The following KLHL3 variants were observed in gnomAD, a reference collection of about 807,000 sequenced individuals.
KLHL3 encodes kelch-like protein 3.
Under a neutral mutation model 70.5 loss-of-function variants are expected in KLHL3, and 19 were observed. The ratio of observed to expected loss-of-function variants is 0.27; its 90% CI spans 0.19 to 0.40. KLHL3 has a LOEUF of 0.40. KLHL3 is among the 10% of genes least tolerant of loss of function. KLHL3 has a pLI of 1.00. For synonymous variants in KLHL3, 258 were observed against 290.3 expected, an observed-to-expected ratio of 0.89 and a Z score of 1.13; for missense variants, 512 against 771.1, an observed-to-expected ratio of 0.66 and a Z score of 3.98.
At chr5:137,723,821 T>C (rs1753043137) in intron 1 of KLHL3, among the ~76,000 whole-genome samples, 2 of 152,250 alleles carry the variant, frequency 1.3e-5, no homozygotes, top group Admixed American at 1.3e-4. Flanking sequence ...ATGTTTCTAA[T>C]GTTCCCCCAT....
chr5:137,638,559 C>T (rs1411737983), intron 10 of KLHL3, among the ~76,000 whole-genome samples: 3 of 152,186 alleles, frequency 2.0e-5, no homozygotes, highest in Non-Finnish European at 4.4e-5. Flanking sequence ...GCCTGGCCCA[C>T]TGCATGACCT....
chr5:137,656,889 A>G (rs1751357669), intron 8 of KLHL3, among the ~76,000 whole-genome samples: 1 of 152,262 alleles, frequency 6.6e-6, no homozygotes, highest in South Asian at 2.1e-4. Context: ...ACCTTGGGCA[A>G]GTAAATTAAC....
At chr5:137,664,790 C>G (rs1039507943) in intron 6 of KLHL3, among the ~76,000 whole-genome samples, 1 of 151,998 alleles carries the variant, frequency 6.6e-6, no homozygotes, top group South Asian at 2.1e-4. Context: ...TGCACTCCAG[C>G]CCGGGCAACA....
intron 8 of KLHL3, among the ~76,000 whole-genome samples, chr5:137,644,291 A>G (rs1750988867): frequency 6.6e-6 from 1 of 152,128 alleles, no homozygotes; most frequent in South Asian, 2.1e-4. Flanking sequence ...TCTGGTCTTG[A>G]ACTCCTGACC....
intron 1 of KLHL3, chr5:137,720,933 A>C (rs1182576900): frequency 9.6e-7 from 1 of 1,037,200 alleles, no homozygotes; most frequent in Non-Finnish European, 1.2e-6. Flanking sequence ...CATTTACTGG[A>C]GGCTACTATG....
intron 3 of KLHL3, among the ~76,000 whole-genome samples, chr5:137,700,144 A>G (rs1752537076): frequency 6.6e-6 from 1 of 152,240 alleles, no homozygotes; most frequent in Non-Finnish European, 1.5e-5. Flanking sequence ...GAAACAAGGG[A>G]AAAACAGTAT....
chr5:137,662,125 A>AG, intron 6 of KLHL3, 94 bp from the exon 7 acceptor site: 8 of 684,030 alleles, frequency 1.2e-5, no homozygotes, highest in South Asian at 7.2e-5. Context: ...AGAGAGAGAG[A>AG]AAAAGTTATG....
chr5:137,724,473 G>A (rs779882005), intron 1 of KLHL3, among the ~76,000 whole-genome samples: 3 of 152,206 alleles, frequency 2.0e-5, no homozygotes, highest in Admixed American at 6.5e-5. Context: ...CCAATGTTGT[G>A]TTTACCAAAA....
At position 137,639,642 on chromosome 5, in the gene KLHL3, C is replaced by T. The variant is rs374189161; in HGVS notation, c.1021+218G>A. ...CCAGGAGGCAGACGTTGCAGTGAGC[C>T]GAGATCATGACACTGCACTCCAACC... On this transcript the variant is annotated intron_variant, in intron 9 of 14. Transcript: ENST00000309755. This position sits in a 1 kb window ranked among gnomAD's most constrained non-coding sequence, Gnocchi z 5.0. Among the ~76,000 whole-genome samples, 13 of 150,170 alleles carry T rather than the reference C, an allele frequency of 8.7e-5. No individual in the cohort carries two copies. The East Asian group carries it at 2.2e-3, about 25-fold the overall frequency.
At chr5:137,650,632 C>G (rs1751175964) in intron 8 of KLHL3, among the ~76,000 whole-genome samples, 1 of 151,944 alleles carries the variant, frequency 6.6e-6, no homozygotes, top group Non-Finnish European at 1.5e-5. Flanking sequence ...CCAGCCTGAC[C>G]AACATGGTGA....
intron 3 of KLHL3, among the ~76,000 whole-genome samples, chr5:137,702,828 G>T (rs1374949853): frequency 2.0e-5 from 3 of 152,156 alleles, no homozygotes; most frequent in Admixed American, 1.3e-4. Context: ...GAGAACCACG[G>T]AGGGCCCAGA....
At chr5:137,723,284 G>A (rs1310353410) in intron 1 of KLHL3, among the ~76,000 whole-genome samples, 6 of 152,216 alleles carry the variant, frequency 3.9e-5, no homozygotes, top group South Asian at 2.1e-4. Flanking sequence ...TAAAGAACTC[G>A]AATGGGATTT....
intron 8 of KLHL3, 95 bp downstream of exon 8, chr5:137,658,036 C>A: frequency 1.6e-6 from 2 of 1,237,734 alleles, no homozygotes; most frequent in Non-Finnish European, 1.1e-6. Flanking sequence ...AGATGCAGGG[C>A]AGCCATGGGT....
chr5:137,678,573 G>A (rs139573104), intron 5 of KLHL3, among the ~76,000 whole-genome samples: 2 of 152,132 alleles, frequency 1.3e-5, no homozygotes, highest in East Asian at 1.9e-4. Context: ...CTCCTGCCTC[G>A]GCCTCCTGAA....
At chr5:137,645,998 C>T (rs1751036282) in intron 8 of KLHL3, among the ~76,000 whole-genome samples, 1 of 152,120 alleles carries the variant, frequency 6.6e-6, no homozygotes, top group Non-Finnish European at 1.5e-5. Context: ...ACATTTACAG[C>T]CAACTGATTT....
In KLHL3 at chr5:137,649,509, C is replaced by T. The variant is rs142963534; in HGVS notation, c.903+8622G>A. Reference sequence around the variant, plus strand: ...AAACAAGCCTGAAATAACTGCACCCCGACCAACAGCTTGACTGTATGAGAG... The same window carrying T: ...AAACAAGCCTGAAATAACTGCACCCTGACCAACAGCTTGACTGTATGAGAG... On this transcript the variant is annotated intron_variant, in intron 8 of 14. Transcript: ENST00000309755. Among the ~76,000 whole-genome samples, 185 of 152,284 alleles carry T rather than the reference C, an allele frequency of 1.2e-3. 5 individuals carry two copies. In the Middle Eastern group the frequency reaches 0.024, roughly 20 times the overall value.
rs74687671 is a variant in KLHL3 at position 137,630,980 on chromosome 5, T to C, written c.1451-2543A>G. On this transcript the variant is annotated intron_variant, in intron 12 of 14. Transcript: ENST00000309755. ...AGCACACAAAGGCTCTTTAAAAATA[T>C]TAAAATAGCATACTTTTTAAAGAAT... 2.7e-5 allele frequency among the ~76,000 whole-genome samples: 4 copies of C among 149,748 alleles called. No individual in the cohort carries two copies. The East Asian group carries it at 7.9e-4, about 30-fold the overall frequency.
chr5:137,677,090 C>T (rs985338602), intron 6 of KLHL3, among the ~76,000 whole-genome samples: 1 of 151,854 alleles, frequency 6.6e-6, no homozygotes, highest in African/African-American at 2.4e-5. Flanking sequence ...AGCCAGAAAG[C>T]CTTTTTATAA....
rs1483928262 is a variant in KLHL3 at position 137,628,471 on chromosome 5, C to G, written c.1451-34G>C. On this transcript the variant is annotated intron_variant, in intron 12 of 14. Transcript: ENST00000309755. Reference sequence around the variant, plus strand: ...CAGAGCACAGCATCCCAGCCTCATGCTGACTACAGTAACCAGAAATCAGGA... The same window carrying G: ...CAGAGCACAGCATCCCAGCCTCATGGTGACTACAGTAACCAGAAATCAGGA... 4 of 1,612,306 alleles carry G rather than the reference C, an allele frequency of 2.5e-6. No homozygotes were observed. The Admixed American group carries it at 6.7e-5, about 27-fold the overall frequency.
Sources: allele counts gnomAD v4.1 joint callset (sites outside exome capture counted in the v4.1 genomes callset), GRCh38; gene constraint gnomAD v4.1.1; non-coding constraint Gnocchi (gnomAD v3.1); transcripts MANE v1.5; gene names NCBI Gene and HGNC (gene_info 2026-07-23, HGNC 2026-07-21).